Variants in FILIP1L observed in about 807,000 individuals in gnomAD.
FILIP1L encodes the protein filamin A interacting protein 1 like, also known as filamin A-interacting protein 1-like.
Under a neutral mutation model 96.6 loss-of-function variants are expected in FILIP1L, and 55 were observed. The ratio of observed to expected loss-of-function variants is 0.57; its 90% confidence interval spans 0.46 to 0.71. The LOEUF (loss-of-function observed/expected upper bound fraction) is 0.71, where lower values mean the gene tolerates loss of function less well. Ranked by LOEUF, FILIP1L falls within the 30% of genes least tolerant of loss-of-function variation. The pLI, the probability that FILIP1L is intolerant of heterozygous loss-of-function variation, is 0.00. For missense variants in FILIP1L, 1,304 were observed against 1,321.2 expected (o/e 0.99, Z 0.20); for synonymous variants, 467 against 473.9 (o/e 0.99, Z 0.19).
At chr3:100,106,994 G>T (rs749264604) in intron 1 of FILIP1L, among the ~76,000 whole-genome samples, 29 of 152,184 alleles carry the variant, frequency 1.9e-4, no homozygotes, top group Non-Finnish European at 8.8e-5. Flanking sequence ...ACCAATGTGT[G>T]TCTGACCTAA....
intron 3 of FILIP1L, among the ~76,000 whole-genome samples, chr3:99,926,151 C>T (rs1419274219): frequency 6.6e-6 from 1 of 152,148 alleles, no homozygotes; most frequent in Admixed American, 6.5e-5. Flanking sequence ...ATGTACTTGA[C>T]TAGAAATGTA....
intron 1 of FILIP1L, among the ~76,000 whole-genome samples, chr3:99,995,137 C>T (rs1709639315): frequency 2.0e-5 from 3 of 152,070 alleles, no homozygotes; most frequent in African/African-American, 4.8e-5. Flanking sequence ...ACCTATGAGC[C>T]AGTAAAATCA....
chr3:99,904,608 T>A (rs1410264562), intron 4 of FILIP1L, among the ~76,000 whole-genome samples: 2 of 152,202 alleles, frequency 1.3e-5, no homozygotes, highest in Non-Finnish European at 2.9e-5. Context: ...TCTCTTTTTT[T>A]TGTTTTTTTG....
intron 4 of FILIP1L, among the ~76,000 whole-genome samples, chr3:99,861,619 A>G (rs962719721): frequency 3.9e-5 from 6 of 152,092 alleles, no homozygotes; most frequent in Non-Finnish European, 8.8e-5. Flanking sequence ...AGCCTTCTTT[A>G]AGACAGGGAT....
chr3:99,937,411 T>A (rs975725909), intron 1 of FILIP1L, among the ~76,000 whole-genome samples: 1 of 152,232 alleles, frequency 6.6e-6, no homozygotes, highest in Non-Finnish European at 1.5e-5. Context: ...TTTTAAATTT[T>A]CATGTGCTTT....
chr3:99,979,253 A>G (rs1215636459), intron 1 of FILIP1L, among the ~76,000 whole-genome samples: 1 of 152,094 alleles, frequency 6.6e-6, no homozygotes, highest in African/African-American at 2.4e-5. Context: ...AAACCACAAT[A>G]TTTTTTTGAA....
intron 4 of FILIP1L, among the ~76,000 whole-genome samples, chr3:99,870,698 G>A (rs1322769121): frequency 6.6e-6 from 1 of 152,182 alleles, no homozygotes; most frequent in Non-Finnish European, 1.5e-5. Flanking sequence ...TAGCTTCACA[G>A]GTTGACATTG....
rs201193835 is a variant in FILIP1L at position 99,850,112 on chromosome 3, A to C, written c.1564T>G (p.Ser522Ala). Residue 522 changes from serine (S) to alanine (A), a missense_variant, in exon 5 of 6, where the codon TCT becomes GCT. Coordinates refer to ENST00000477258, the MANE Select transcript of FILIP1L (RefSeq NM_001387850.1). Reference protein sequence around the residue: ...KKTEDKLQAASSQLQVEQNKV... With the variant: ...KKTEDKLQAAASQLQVEQNKV... The stretch of plus-strand genomic sequence containing the variant: ...TTTTGCTCCACTTGAAGCTGAGAAG[A>C]AGCAGCTTGTAATTTATCTTCAGTT... 620 of 1,612,994 alleles carry C rather than the reference A, an allele frequency of 3.8e-4. 6 individuals carry two copies. Among genetic ancestry groups the C allele is most frequent in the South Asian group, 2.3e-3 (206 of 90,686 alleles).
intron 1 of FILIP1L, among the ~76,000 whole-genome samples, chr3:100,053,654 T>C (rs2065411740): frequency 6.6e-6 from 1 of 152,204 alleles, no homozygotes; most frequent in Admixed American, 6.5e-5. Context: ...GTATTCAACC[T>C]GGTACAGCCA....
chr3:99,906,847 A>G (rs1706633599), intron 4 of FILIP1L, among the ~76,000 whole-genome samples: 1 of 152,086 alleles, frequency 6.6e-6, no homozygotes, highest in African/African-American at 2.4e-5. Context: ...GTATTTTGCC[A>G]TTTTCCCCAC....
chr3:99,986,113 TAA>T (rs1263009461), intron 1 of FILIP1L, among the ~76,000 whole-genome samples: 1 of 152,198 alleles, frequency 6.6e-6, no homozygotes, highest in African/African-American at 2.4e-5. Flanking sequence ...TTCATTGTTA[TAA>T]GAGGAAAAAA....
At chr3:99,983,438 ATATGTATG>A (rs1559713527) in intron 1 of FILIP1L, among the ~76,000 whole-genome samples, 36 of 50,622 alleles carry the variant, frequency 7.1e-4, no homozygotes, top group African/African-American at 2.6e-3. Context: ...GTATGTATAT[ATATGTATG>A]TATATATATA....
chr3:99,862,125 G>A (rs1944292614), intron 4 of FILIP1L, among the ~76,000 whole-genome samples: 2 of 152,082 alleles, frequency 1.3e-5, no homozygotes, highest in Admixed American at 6.5e-5. Flanking sequence ...TAACAAATAC[G>A]CTAATTAGCT....
intron 1 of FILIP1L, among the ~76,000 whole-genome samples, chr3:100,074,841 G>A (rs1046153759): frequency 3.3e-5 from 5 of 151,078 alleles, no homozygotes; most frequent in African/African-American, 4.9e-5. Context: ...TTACAGGTGC[G>A]CACCACCACT....
chr3:99,950,655 G>A (rs542198643), intron 1 of FILIP1L, among the ~76,000 whole-genome samples: 299 of 152,090 alleles, frequency 2.0e-3, no homozygotes, highest in African/African-American at 6.7e-3. Context: ...TCCAATATTC[G>A]CCTCCCCAGA....
At chr3:99,957,693 CTTTTTTTTTT>C (rs779350496) in intron 1 of FILIP1L, among the ~76,000 whole-genome samples, 1,444 of 19,966 alleles carry the variant, frequency 0.072, 80 homozygotes, top group East Asian at 0.37. Flanking sequence ...TTCTTTCTTT[CTTTTTTTTTT>C]TTTTTTTTTT....
intron 1 of FILIP1L, among the ~76,000 whole-genome samples, chr3:100,032,388 G>C (rs527515256): frequency 6.6e-6 from 1 of 152,318 alleles, no homozygotes; most frequent in African/African-American, 2.4e-5. Flanking sequence ...GAAATAAGAA[G>C]AGGACATGTG....
chr3:100,087,788 T>C (rs1559753154), intron 1 of FILIP1L, among the ~76,000 whole-genome samples: 1 of 151,926 alleles, frequency 6.6e-6, no homozygotes, highest in African/African-American at 2.4e-5. Context: ...CTAAGGAATC[T>C]TTTCCTAACA....
chr3:99,848,147 T>A, intron 5 of FILIP1L, 148 bp downstream of exon 5: 1 of 1,514,894 alleles, frequency 6.6e-7, no homozygotes, highest in Non-Finnish European at 8.8e-7. Flanking sequence ...GATACTCTTG[T>A]ATAGTTCATG....
Sources: gnomAD v4.1 joint callset for allele counts (sites outside exome capture counted in the v4.1 genomes callset) on GRCh38, gnomAD v4.1.1 for gene constraint, MANE v1.5 for transcripts, NCBI Gene and HGNC (gene_info 2026-07-23, HGNC 2026-07-21) for gene names.